Variants in ZNF540 observed in about 807,000 individuals in gnomAD.
The protein encoded by ZNF540 is zinc finger protein 540.
In ZNF540, 3 loss-of-function variants were observed where a neutral mutation model predicts 11.8. The observed-to-expected ratio is 0.25, with a 90% CI of 0.12 to 0.65. The LOEUF (loss-of-function observed/expected upper bound fraction) is 0.65. ZNF540 is among the 30% of genes least tolerant of loss of function. ZNF540 has a pLI of 0.83. For missense variants in ZNF540, 709 were observed against 793.1 expected (o/e 0.89, Z 1.27); for synonymous variants, 247 against 259.0 (o/e 0.95, Z 0.45).
intron 1 of ZNF540, chr19:37,566,086 A>T: frequency 6.2e-7 from 1 of 1,614,078 alleles, no homozygotes; most frequent in Non-Finnish European, 8.5e-7. Context: ...CCTTTTCTTC[A>T]CAGGTAATTT....
Position 37,611,532 on chromosome 19 carries a change from G to T in ZNF540, c.252G>T (p.Lys84Asn). The T allele has an allele frequency of 6.3e-7, 1 of 1,599,470 alleles. No homozygotes were observed. The highest frequency in any genetic ancestry group is 1.1e-5 in the South Asian group (1 of 87,680). The change falls in exon 5 of 5, where the codon AAG (lysine) becomes AAT (asparagine). Residue 84 changes from lysine (K) to asparagine (N), a missense_variant. Lys to Asn is a moderately conservative substitution (Grantham distance 94). Transcript: ENST00000316433. The stretch of plus-strand genomic sequence containing the variant: ...TTTCAGGTTTGTTATCCAGGCATAA[G>T]ACCAAGAAATTATCTTCAGAAAAGG... ...RQCPGLLSRH[K>N]TKKLSSEKDI...
intron 1 of ZNF540, among the ~76,000 whole-genome samples, chr19:37,571,361 T>A (rs1245079911): frequency 1.3e-5 from 2 of 151,906 alleles, no homozygotes; most frequent in Non-Finnish European, 2.9e-5. Context: ...ACAGGGATGG[T>A]GGCAGGCACC....
At chr19:37,573,893 CTACTT>C (rs1279183323) in intron 1 of ZNF540, among the ~76,000 whole-genome samples, 2 of 151,820 alleles carry the variant, frequency 1.3e-5, no homozygotes. Flanking sequence ...GCTGCTATTA[CTACTT>C]TATTCACAGC....
intron 1 of ZNF540, among the ~76,000 whole-genome samples, chr19:37,559,967 A>G (rs2042699773): frequency 6.6e-6 from 1 of 152,174 alleles, no homozygotes; most frequent in South Asian, 2.1e-4. Context: ...AGTGCAATAC[A>G]ATGAAGGTGG....
At chr19:37,577,765 G>T (rs934518669) in intron 1 of ZNF540, among the ~76,000 whole-genome samples, 12 of 152,082 alleles carry the variant, frequency 7.9e-5, no homozygotes, top group African/African-American at 2.9e-4. Context: ...GTAACTCTAG[G>T]GGGGCACTCA....
chr19:37,591,198 A>G (rs2043858770), upstream of ZNF540, among the ~76,000 whole-genome samples: 1 of 152,250 alleles, frequency 6.6e-6, no homozygotes, highest in African/African-American at 2.4e-5. Context: ...ACTGTATACC[A>G]CAAGAGGAAT....
At chr19:37,595,974 T>C (rs898046884) in intron 1 of ZNF540, among the ~76,000 whole-genome samples, 1 of 152,232 alleles carries the variant, frequency 6.6e-6, no homozygotes, top group African/African-American at 2.4e-5. Flanking sequence ...ATGAAATTCT[T>C]AAAACTTCCT....
At chr19:37,590,129 GCA>G (rs56169880), upstream of ZNF540, among the ~76,000 whole-genome samples, 117,466 of 151,630 alleles carry the variant, frequency 0.77, 45,611 homozygotes, top group South Asian at 0.87. Context: ...AAGGAGCTGG[GCA>G]TGCGGTGGCT....
rs769409629 is a variant in ZNF540 at position 37,598,400 on chromosome 19, G to A, written c.-48G>A. The A allele has an allele frequency of 3.1e-6, 5 of 1,609,866 alleles. No homozygotes were observed. Among genetic ancestry groups the A allele is most frequent in the Non-Finnish European group, 4.2e-6 (5 of 1,178,234 alleles). On this transcript the variant is annotated 5_prime_UTR_variant, in exon 2 of 5. Coordinates refer to ENST00000316433, the MANE Select transcript of ZNF540 (RefSeq NM_001172225.3). ...GGCTTCTCAGAACTTTGCTTCTCCAGCAGAATAATCCTGCGGAAGACTGAG... is the reference window on the plus strand; with the variant it reads ...GGCTTCTCAGAACTTTGCTTCTCCAACAGAATAATCCTGCGGAAGACTGAG...
At chr19:37,563,504 T>A (rs567862902) in intron 1 of ZNF540, 5 of 152,114 alleles carry the variant, frequency 3.3e-5, no homozygotes, top group African/African-American at 9.6e-5. Context: ...ATATATTTTA[T>A]ACACACACAC....
rs1285823913 is a variant in ZNF540, at chr19:37,611,882, A to C, written c.602A>C (p.Gln201Pro). 6.2e-7 allele frequency: 1 copy of C among 1,613,902 alleles called. No homozygotes were observed. The highest frequency in any genetic ancestry group is 1.1e-5 in the South Asian group (1 of 91,074). Residue 201 changes from glutamine (Q) to proline (P), a missense_variant, in exon 5 of 5, where the codon CAG becomes CCG. Physicochemically the swap from Gln to Pro is moderately conservative, Grantham distance 76. Coordinates refer to ENST00000316433, the MANE Select transcript of ZNF540 (RefSeq NM_001172225.3). Reference sequence around the variant, plus strand: ...GGGAGTACTTTTAATAATGTCTATCAGCTTACTCTCCATCAGAAAATTCAT... The same window carrying C: ...GGGAGTACTTTTAATAATGTCTATCCGCTTACTCTCCATCAGAAAATTCAT... The part of the protein sequence containing the change: ...ECGSTFNNVY[Q>P]LTLHQKIHTG...
upstream of ZNF540, among the ~76,000 whole-genome samples, chr19:37,593,646 T>TG (rs1350721062): frequency 2.6e-5 from 4 of 152,070 alleles, no homozygotes; most frequent in African/African-American, 4.8e-5. Flanking sequence ...GAGCTTGCAG[T>TG]GAGCCGAGAC....
At chr19:37,580,306 G>A (rs1286890442) in intron 1 of ZNF540, among the ~76,000 whole-genome samples, 1 of 152,174 alleles carries the variant, frequency 6.6e-6, no homozygotes, top group African/African-American at 2.4e-5. Flanking sequence ...TTTCTAACAT[G>A]TTCTATCAAT....
chr19:37,601,832 C>T (rs565220764), intron 4 of ZNF540, among the ~76,000 whole-genome samples: 1 of 152,312 alleles, frequency 6.6e-6, no homozygotes, highest in East Asian at 1.9e-4. Context: ...AGAGCAGATT[C>T]AGAGTGGGGA....
chr19:37,613,561 G>A lies in ZNF540; in HGVS notation c.*298G>A, dbSNP rs1053172200. ...ATATTTGCTTCTTGGTACCTCAGCT[G>A]TAAAATGAAACACACCTAAAAGTGT... On this transcript the variant is annotated 3_prime_UTR_variant, in exon 5 of 5. Transcript: ENST00000316433. The A allele has an allele frequency of 3.5e-5, 14 of 395,146 alleles. No individual in the cohort carries two copies. Among genetic ancestry groups the A allele is most frequent in the Non-Finnish European group, 6.3e-5 (14 of 223,524 alleles). The allele number at this position is 395,146 out of a possible 1,614,324, so 24.5% of individuals were successfully genotyped here.
At chr19:37,575,817 C>T (rs1230104609) in intron 1 of ZNF540, 1 of 152,142 alleles carries the variant, frequency 6.6e-6, no homozygotes, top group Non-Finnish European at 1.5e-5. Flanking sequence ...TGTAGCTGAG[C>T]TGAAATTGAA....
upstream of ZNF540, chr19:37,594,378 A>G (rs1275310367): frequency 6.6e-6 from 1 of 152,484 alleles, no homozygotes; most frequent in East Asian, 1.9e-4. Flanking sequence ...GCGCACACGC[A>G]CACGTCCAGG....
At position 37,613,170 on chromosome 19, in the gene ZNF540, T is replaced by A. The variant is rs184629948; in HGVS notation, c.1890T>A (p.Thr630=). ...SHLTEHQRIH[T]GEKPYECKVC... ...TTACTGAACATCAGAGAATTCACAC[T>A]GGTGAGAAACCCTATGAGTGTAAGG... Residue 630 remains threonine (T), a synonymous_variant, in exon 5 of 5, where the codon ACT becomes ACA. Coordinates refer to ENST00000316433, the MANE Select transcript of ZNF540 (RefSeq NM_001172225.3). 169 of 1,613,720 alleles carry A rather than the reference T, an allele frequency of 1.0e-4. No individual in the cohort carries two copies. In the Admixed American group the frequency reaches 2.7e-3, roughly 26 times the overall value.
At position 37,562,654 on chromosome 19, in the gene ZNF540, C is replaced by T. The variant is rs1359444722; in HGVS notation, c.-73+10989C>T. On this transcript the variant is annotated intron_variant, in intron 1 of 4. Transcript: ENST00000592533. The stretch of plus-strand genomic sequence containing the variant: ...CTTCTCACCATCATTAATTTCTGAC[C>T]ATCAGCCCTCATTCAACAACATTCT... The T allele has an allele frequency of 2.0e-5, 3 of 152,276 alleles. No homozygotes were observed. The East Asian group carries it at 5.8e-4, about 29-fold the overall frequency. The allele number at this position is 152,276 out of a possible 1,614,324, so 9.4% of individuals were successfully genotyped here.
Sources: allele counts gnomAD v4.1 joint callset (sites outside exome capture counted in the v4.1 genomes callset), GRCh38; gene constraint gnomAD v4.1.1; transcripts MANE v1.5; gene names NCBI Gene and HGNC (gene_info 2026-07-23, HGNC 2026-07-21).